ADK: variants seen among roughly 807,000 people sequenced by gnomAD.
ADK encodes the protein N6,N6-dimethyladenosine kinase.
Under a neutral mutation model 44.7 loss-of-function variants are expected in ADK, and 24 were observed. The observed-to-expected ratio is 0.54, with a 90% CI of 0.39 to 0.76. ADK has a LOEUF of 0.76. Among genes scored for constraint, ADK ranks in the 30% least tolerant of loss-of-function variants. The pLI is 0.00. For synonymous variants in ADK, 128 were observed against 142.6 expected (o/e 0.90, Z 0.73); for missense variants, 321 against 425.1 (o/e 0.76, Z 2.15).
chr10:74,420,277 T>C (rs528874808), intron 6 of ADK, among the ~76,000 whole-genome samples: 1 of 152,222 alleles, frequency 6.6e-6, no homozygotes, highest in Admixed American at 6.5e-5. Context: ...AAAGAGGAAG[T>C]ACAAATAAGC....
intron 9 of ADK, among the ~76,000 whole-genome samples, chr10:74,616,583 A>G (rs772319806): frequency 3.6e-4 from 55 of 152,026 alleles, no homozygotes; most frequent in Middle Eastern, 3.2e-3. Flanking sequence ...CTCATTCTCT[A>G]TCCTTTACCA....
intron 6 of ADK, among the ~76,000 whole-genome samples, chr10:74,447,372 A>G (rs1406293635): frequency 3.9e-5 from 6 of 152,136 alleles, no homozygotes; most frequent in Non-Finnish European, 8.8e-5. Context: ...AGGCAGAGTC[A>G]AGTGAGAAGA....
At chr10:74,652,328 G>T (rs1319938357) in intron 9 of ADK, among the ~76,000 whole-genome samples, 1 of 151,618 alleles carries the variant, frequency 6.6e-6, no homozygotes, top group Non-Finnish European at 1.5e-5. Context: ...ACAGGTATGA[G>T]CCAGCACACC....
chr10:74,247,360 T>G (rs1311615958), intron 3 of ADK, among the ~76,000 whole-genome samples: 1 of 150,174 alleles, frequency 6.7e-6, no homozygotes, highest in East Asian at 2.0e-4. Flanking sequence ...CACCTCAGCC[T>G]CCTGAGTACC....
intron 7 of ADK, among the ~76,000 whole-genome samples, chr10:74,549,843 C>T (rs1020937762): frequency 6.6e-6 from 1 of 152,118 alleles, no homozygotes; most frequent in African/African-American, 2.4e-5. Context: ...CATGTTGATT[C>T]ATTGAAATTA....
chr10:74,647,261 C>A (rs1232099823), intron 9 of ADK, among the ~76,000 whole-genome samples: 1 of 152,084 alleles, frequency 6.6e-6, no homozygotes, highest in African/African-American at 2.4e-5. Context: ...AGTATAGTAT[C>A]CACAGACGAT....
chr10:74,590,150 C>T (rs563511097), intron 8 of ADK, among the ~76,000 whole-genome samples: 1 of 152,226 alleles, frequency 6.6e-6, no homozygotes, highest in Admixed American at 6.5e-5. Flanking sequence ...TTGTTTATGA[C>T]TATGATATTT....
At chr10:74,655,598 A>C (rs1854453728) in intron 9 of ADK, 2 of 458,138 alleles carry the variant, frequency 4.4e-6, no homozygotes, top group African/African-American at 4.0e-5. Flanking sequence ...TGTGAAACTG[A>C]AAGAGGAGCT....
intron 6 of ADK, among the ~76,000 whole-genome samples, chr10:74,520,189 G>A (rs901471777): frequency 2.0e-5 from 3 of 151,930 alleles, no homozygotes; most frequent in South Asian, 4.1e-4. Flanking sequence ...TTACGCATAT[G>A]TGTAGTTAAT....
intron 7 of ADK, among the ~76,000 whole-genome samples, chr10:74,538,508 G>T (rs1849529242): frequency 6.6e-6 from 1 of 152,144 alleles, no homozygotes; most frequent in Non-Finnish European, 1.5e-5. Context: ...GCAGTTTGTT[G>T]TGGTTGTTTT....
At chr10:74,382,469 T>G (rs546002752) in intron 4 of ADK, among the ~76,000 whole-genome samples, 1 of 152,296 alleles carries the variant, frequency 6.6e-6, no homozygotes, top group Non-Finnish European at 1.5e-5. Flanking sequence ...TTTCTTATTT[T>G]ATATACAGCC....
chr10:74,386,599 T>C (rs1000218477), intron 4 of ADK, among the ~76,000 whole-genome samples: 2 of 152,182 alleles, frequency 1.3e-5, no homozygotes, highest in African/African-American at 2.4e-5. Context: ...TCATCTCTTA[T>C]CATCATACTC....
intron 10 of ADK, among the ~76,000 whole-genome samples, chr10:74,697,414 G>A (rs982461605): frequency 6.6e-6 from 1 of 152,124 alleles, no homozygotes; most frequent in Non-Finnish European, 1.5e-5. Context: ...GCACACACCT[G>A]TAGTTCTAGC....
chr10:74,500,895 A>G (rs1372759714), intron 6 of ADK, among the ~76,000 whole-genome samples: 1 of 152,194 alleles, frequency 6.6e-6, no homozygotes, highest in Non-Finnish European at 1.5e-5. Flanking sequence ...TCCTTTTGAC[A>G]TGTTGGCAGC....
intron 4 of ADK, among the ~76,000 whole-genome samples, chr10:74,357,115 A>G (rs2131928299): frequency 6.6e-6 from 1 of 152,244 alleles, no homozygotes; most frequent in African/African-American, 2.4e-5. Flanking sequence ...CCTCATGGAG[A>G]TTGGAGCTCA....
At chr10:74,325,738 G>A (rs1040474976) in intron 4 of ADK, among the ~76,000 whole-genome samples, 1 of 151,990 alleles carries the variant, frequency 6.6e-6, no homozygotes, top group African/African-American at 2.4e-5. Flanking sequence ...TTGAAATATG[G>A]TTTTTTCCTG....
intron 6 of ADK, among the ~76,000 whole-genome samples, chr10:74,454,048 A>G (rs1271031151): frequency 1.3e-5 from 2 of 152,170 alleles, no homozygotes; most frequent in Non-Finnish European, 2.9e-5. Flanking sequence ...TTTACAGTCA[A>G]TGGACCATTC....
chr10:74,326,873 G>C (rs1437550022), intron 4 of ADK, among the ~76,000 whole-genome samples: 1 of 151,868 alleles, frequency 6.6e-6, no homozygotes, highest in East Asian at 1.9e-4. Flanking sequence ...ATTTCTCTGG[G>C]ATCAATTGTA....
chr10:74,342,282 C>A (rs1372533233), intron 4 of ADK, among the ~76,000 whole-genome samples: 1 of 152,116 alleles, frequency 6.6e-6, no homozygotes, highest in African/African-American at 2.4e-5. Flanking sequence ...GATGTTTTTC[C>A]ATTTATTTGG....
Sources: gnomAD v4.1 joint callset for allele counts (sites outside exome capture counted in the v4.1 genomes callset) on GRCh38, gnomAD v4.1.1 for gene constraint, MANE v1.5 for transcripts, NCBI Gene and HGNC (gene_info 2026-07-23, HGNC 2026-07-21) for gene names.